The following MAP3K3 variants were observed in gnomAD, a reference collection of about 807,000 sequenced individuals.
MAP3K3 encodes the protein mitogen-activated protein kinase kinase kinase 3.
Under a neutral mutation model 80.9 loss-of-function variants are expected in MAP3K3, and 12 were observed. The ratio of observed to expected loss-of-function variants is 0.15; its 90% confidence interval spans 0.10 to 0.24. MAP3K3 has a LOEUF of 0.24. Among genes scored for constraint, MAP3K3 ranks in the 10% least tolerant of loss-of-function variants. MAP3K3 has a pLI of 1.00. For missense variants in MAP3K3, 596 were observed against 834.7 expected (o/e 0.71, Z 3.52); for synonymous variants, 272 against 307.1 (o/e 0.89, Z 1.19).
chr17:63,652,035 A>C (rs2034666921), intron 3 of MAP3K3, among the ~76,000 whole-genome samples: 1 of 151,960 alleles, frequency 6.6e-6, no homozygotes, highest in Admixed American at 6.6e-5. Flanking sequence ...TTTTCTTTCA[A>C]CTTTTATTTA....
rs1057348341 is a variant in MAP3K3 at position 63,689,792 on chromosome 17, G to C, written c.1063+57G>C. ...GCCCAGGTGGTCTCAGACAAGCTACGGGGGCAAACAGCTGGGCCCCTGGGA... is the reference window on the plus strand; with the variant it reads ...GCCCAGGTGGTCTCAGACAAGCTACCGGGGCAAACAGCTGGGCCCCTGGGA... On this transcript the variant is annotated intron_variant, in intron 11 of 15. Coordinates refer to ENST00000361733, the MANE Select transcript of MAP3K3 (RefSeq NM_002401.5). The surrounding 1 kb of genome is among the most constrained non-coding windows in gnomAD (Gnocchi z 4.3). The C allele has an allele frequency of 2.0e-6, 3 of 1,516,974 alleles. No individual in the cohort carries two copies. Among genetic ancestry groups the C allele is most frequent in the East Asian group, 4.8e-5 (2 of 41,964 alleles). The allele number at this position is 1,516,974 out of a possible 1,614,324, so 94.0% of individuals were successfully genotyped here. A position where few individuals can be genotyped will look rare whatever the true frequency, so the allele number is the denominator to read the frequency against.
intron 6 of MAP3K3, among the ~76,000 whole-genome samples, chr17:63,670,316 C>T (rs2035078675): frequency 6.6e-6 from 1 of 152,022 alleles, no homozygotes; most frequent in African/African-American, 2.4e-5. Context: ...GGCATGGTGG[C>T]TCACGCCTGT....
intron 2 of MAP3K3, among the ~76,000 whole-genome samples, chr17:63,638,391 T>C (rs2034374854): frequency 6.6e-6 from 1 of 152,116 alleles, no homozygotes; most frequent in South Asian, 2.1e-4. Flanking sequence ...CTTTTTCAGG[T>C]CAAGTTAGTT....
chr17:63,685,225 A>G (rs1411145608), intron 7 of MAP3K3, among the ~76,000 whole-genome samples: 1 of 152,192 alleles, frequency 6.6e-6, no homozygotes, highest in Non-Finnish European at 1.5e-5. Flanking sequence ...GCCAGGCTCC[A>G]GTGTTAATGA....
intron 1 of MAP3K3, among the ~76,000 whole-genome samples, chr17:63,623,286 G>T (rs1034466167): frequency 6.6e-6 from 1 of 152,256 alleles, no homozygotes; most frequent in South Asian, 2.1e-4. Flanking sequence ...CCAGCGCAGG[G>T]GGGAGGGCGT....
chr17:63,652,837 ACTCAGCCAT>A (rs2034686577), intron 4 of MAP3K3, among the ~76,000 whole-genome samples, 181 bp downstream of exon 4: 1 of 152,162 alleles, frequency 6.6e-6, no homozygotes, highest in Non-Finnish European at 1.5e-5. Flanking sequence ...ATGGGAGATT[ACTCAGCCAT>A]CTCAGCCATC....
chr17:63,672,672 A>G (rs1377505402), intron 6 of MAP3K3, among the ~76,000 whole-genome samples: 2 of 152,202 alleles, frequency 1.3e-5, no homozygotes, highest in Non-Finnish European at 2.9e-5. Context: ...TAGGAACCCA[A>G]CACTTAGTGG....
intron 3 of MAP3K3, 131 bp downstream of exon 3, chr17:63,646,205 C>A: frequency 1.3e-6 from 1 of 773,280 alleles, no homozygotes; most frequent in Non-Finnish European, 2.3e-6. Flanking sequence ...GTGGATTGGG[C>A]ATAAAGGGAG....
intron 2 of MAP3K3, among the ~76,000 whole-genome samples, chr17:63,639,914 A>T (rs936776109): frequency 6.6e-6 from 1 of 152,076 alleles, no homozygotes; most frequent in Non-Finnish European, 1.5e-5. Context: ...ATAATGCTTT[A>T]TATCTTATTG....
chr17:63,682,372 T>C (rs1021360481), intron 7 of MAP3K3: 1 of 152,420 alleles, frequency 6.6e-6, no homozygotes, highest in Non-Finnish European at 1.5e-5. Flanking sequence ...TAGACAGTTG[T>C]ATTAGTTATC....
intron 6 of MAP3K3, among the ~76,000 whole-genome samples, chr17:63,672,676 T>G (rs962025970): frequency 6.6e-6 from 1 of 152,038 alleles, no homozygotes; most frequent in Non-Finnish European, 1.5e-5. Flanking sequence ...AACCCAACAC[T>G]TAGTGGCCAG....
In MAP3K3 at chr17:63,691,343, TCCAGAGGC is replaced by T. The variant is rs1438395646; in HGVS notation, c.1344+118_1344+125del. ...GGATAGGAGTTTGAACACCTGAGGC[TCCAGAGGC>T]CCAGAGGAGCAAAGTGAGGTGATGG... is the stretch of plus-strand genomic sequence containing the variant. On this transcript the variant is annotated intron_variant, in intron 13 of 15. Coordinates refer to ENST00000361733, the MANE Select transcript of MAP3K3 (RefSeq NM_002401.5). This position sits in a 1 kb window ranked among gnomAD's most constrained non-coding sequence, Gnocchi z 4.8. 3 of 1,483,440 alleles carry T rather than the reference TCCAGAGGC, an allele frequency of 2.0e-6. No homozygotes were observed. Among genetic ancestry groups the T allele is most frequent in the Non-Finnish European group, 2.8e-6 (3 of 1,080,420 alleles). The allele number at this position is 1,483,440 out of a possible 1,614,324, so 91.9% of individuals were successfully genotyped here. A position where few individuals can be genotyped will look rare whatever the true frequency, so the allele number is the denominator to read the frequency against.
intron 6 of MAP3K3, among the ~76,000 whole-genome samples, chr17:63,680,210 C>T (rs2035301822): frequency 6.6e-6 from 1 of 152,178 alleles, no homozygotes; most frequent in Admixed American, 6.5e-5. Context: ...GGAAAGTAAC[C>T]TGCATTGTTG....
Position 63,693,583 on chromosome 17 carries a change from G to C in MAP3K3, c.1687G>C (p.Glu563Gln). 6.2e-7 allele frequency: 1 copy of C among 1,608,168 alleles called. No individual in the cohort carries two copies. The highest frequency in any genetic ancestry group is 8.5e-7 in the Non-Finnish European group (1 of 1,177,224). The change falls in exon 16 of 16, where the codon GAG (glutamate) becomes CAG (glutamine). Residue 563 changes from glutamate (E) to glutamine (Q), a missense_variant. Transcript: ENST00000361733. The surrounding 1 kb of genome is among the most constrained non-coding windows in gnomAD (Gnocchi z 4.2). ...LGCTVVEMLT[E>Q]KPPWAEYEAM... is the part of the protein sequence containing the mutation. ...CTGCACTGTGGTGGAGATGCTGACA[G>C]AGAAACCACCGTGGGCAGAGTATGA...
At position 63,688,596 on chromosome 17, in the gene MAP3K3, T is replaced by TG; in HGVS notation, c.778+3dup. On this transcript the variant is annotated splice_region_variant and intron_variant, in intron 9 of 15. Transcript: ENST00000361733. ...CTGACAACAGACAGGAATACTCAGG[T>TG]GAGTTCCACAGAGCCTGGGTGGGTA... is the stretch of plus-strand genomic sequence containing the variant. 6.2e-7 allele frequency: 1 copy of TG among 1,613,616 alleles called. No individual in the cohort carries two copies. The highest frequency in any genetic ancestry group is 1.1e-5 in the South Asian group (1 of 91,056).
intron 9 of MAP3K3, 59 bp downstream of exon 9, chr17:63,688,653 C>T: frequency 6.5e-7 from 1 of 1,535,934 alleles, no homozygotes; most frequent in Non-Finnish European, 9.0e-7. Flanking sequence ...CCTCAGGTGG[C>T]TCTGCTTCGA....
chr17:63,666,463 G>A (rs2035001763), intron 5 of MAP3K3, among the ~76,000 whole-genome samples: 1 of 152,124 alleles, frequency 6.6e-6, no homozygotes, highest in Non-Finnish European at 1.5e-5. Context: ...GCAAGACTCT[G>A]TATCAATCAA....
chr17:63,686,519 C>CCCTGGCTTTGGATTA (rs2035453312), intron 8 of MAP3K3, among the ~76,000 whole-genome samples: 3 of 152,214 alleles, frequency 2.0e-5, no homozygotes, highest in Non-Finnish European at 4.4e-5. Context: ...CAGGGATTGA[C>CCCTGGCTTTGGATTA]TCTGGCTTTG....
intron 5 of MAP3K3, among the ~76,000 whole-genome samples, chr17:63,660,276 C>T (rs907098089): frequency 5.9e-5 from 9 of 152,102 alleles, no homozygotes; most frequent in African/African-American, 2.2e-4. Flanking sequence ...TGACAGCTCA[C>T]CACAGCCTCA....
Sources: gnomAD v4.1 joint callset for allele counts (sites outside exome capture counted in the v4.1 genomes callset) on GRCh38, gnomAD v4.1.1 for gene constraint, Gnocchi (gnomAD v3.1) non-coding constraint, MANE v1.5 for transcripts, NCBI Gene and HGNC (gene_info 2026-07-23, HGNC 2026-07-21) for gene names.